DOK7: variants seen among roughly 807,000 people sequenced by gnomAD.
DOK7 encodes the protein protein Dok-7.
DOK7 carries 32 observed loss-of-function variants against 30.7 expected under a neutral mutation model. The observed-to-expected ratio is 1.04, with a 90% confidence interval of 0.79 to 1.40. DOK7 has a LOEUF of 1.40. Ranked by LOEUF, DOK7 falls within the 40% of genes most tolerant of loss-of-function variation. The pLI is 0.00. For missense variants in DOK7, 1,007 were observed against 699.2 expected, an observed-to-expected ratio of 1.44 and a Z score of -4.97; for synonymous variants, 447 against 324.1, an observed-to-expected ratio of 1.38 and a Z score of -4.07.
intron 3 of DOK7, among the ~76,000 whole-genome samples, chr4:3,473,962 C>A (rs1726923052): frequency 6.6e-6 from 1 of 152,134 alleles, no homozygotes; most frequent in Non-Finnish European, 1.5e-5. Flanking sequence ...GACAGTGGAG[C>A]CCAGAGCCTG....
chr4:3,497,307 C>A (rs1308425370), downstream of DOK7, among the ~76,000 whole-genome samples: 2 of 151,972 alleles, frequency 1.3e-5, no homozygotes, highest in East Asian at 1.9e-4. Flanking sequence ...TGTCCTCAGA[C>A]AGCGGTGGGG....
chr4:3,479,119 C>T (rs1383580305), intron 4 of DOK7, among the ~76,000 whole-genome samples: 2 of 152,234 alleles, frequency 1.3e-5, no homozygotes, highest in Admixed American at 6.5e-5. Context: ...TTGGCTTTTT[C>T]CAAAAGCTCT....
chr4:3,495,145 G>A (rs866498266), downstream of DOK7, among the ~76,000 whole-genome samples: 2 of 152,328 alleles, frequency 1.3e-5, no homozygotes, highest in South Asian at 2.1e-4. Flanking sequence ...CAAACGGGAT[G>A]ACAGACCCCG....
At chr4:3,482,390 G>C (rs1420010088) in intron 4 of DOK7, among the ~76,000 whole-genome samples, 1 of 152,222 alleles carries the variant, frequency 6.6e-6, no homozygotes, top group Non-Finnish European at 1.5e-5. Flanking sequence ...TGTTGGCTGG[G>C]TTGCCTCAGT....
At chr4:3,488,147 C>T (rs1472635262) in intron 5 of DOK7, among the ~76,000 whole-genome samples, 1 of 152,234 alleles carries the variant, frequency 6.6e-6, no homozygotes, top group African/African-American at 2.4e-5. Context: ...ATCCCTGTCC[C>T]CGGCAATGCT....
intron 4 of DOK7, among the ~76,000 whole-genome samples, chr4:3,482,007 T>C (rs1356367183): frequency 6.6e-6 from 1 of 152,036 alleles, no homozygotes; most frequent in African/African-American, 2.4e-5. Context: ...GGCCTTCTGC[T>C]TGTGTTCTGC....
In DOK7 at chr4:3,490,100, T is replaced by G. The variant is rs1272988212; in HGVS notation, c.772+304T>G. On this transcript the variant is annotated intron_variant, in intron 6 of 6. Transcript: ENST00000340083. ...TTTCTTCACCCCCTCATTCATTCCT[T>G]TCTTCACCCCCATTCATTCCTTTTC... 1.6e-4 allele frequency among the ~76,000 whole-genome samples: 11 copies of G among 69,000 alleles called. 1 individual carries two copies. Among genetic ancestry groups the G allele is most frequent in the Non-Finnish European group, 3.0e-4 (10 of 33,288 alleles). 45.3% of individuals were successfully genotyped at this position (69,000 alleles called of 152,430 possible).
chr4:3,493,398 C>T lies in DOK7; in HGVS notation c.1412C>T (p.Pro471Leu), dbSNP rs535473251. The stretch of plus-strand genomic sequence containing the variant: ...GAGGCCACACTGCCTGGCCCTGCCC[C>T]TGGCGAGCCCTGGGAAGCAGGCGGC... Reference protein sequence around the residue: ...GSEATLPGPAPGEPWEAGGPH... With the variant: ...GSEATLPGPALGEPWEAGGPH... The change falls in exon 7 of 7, where the codon CCT (proline) becomes CTT (leucine). Residue 471 changes from proline to leucine, a missense_variant. Coordinates refer to ENST00000340083, the MANE Select transcript of DOK7 (RefSeq NM_173660.5). The T allele has an allele frequency of 1.0e-5, 16 of 1,594,860 alleles. No homozygotes were observed. Among genetic ancestry groups the T allele is most frequent in the Middle Eastern group, 1.7e-4 (1 of 5,936 alleles).
At chr4:3,492,445 G>A (rs561446108) in intron 6 of DOK7, among the ~76,000 whole-genome samples, 1 of 151,764 alleles carries the variant, frequency 6.6e-6, no homozygotes, top group Non-Finnish European at 1.5e-5. Flanking sequence ...GTTAGGCAGG[G>A]AGGGTGGGGA....
At chr4:3,478,037 T>C (rs898213353) in intron 4 of DOK7, among the ~76,000 whole-genome samples, 3 of 152,120 alleles carry the variant, frequency 2.0e-5, no homozygotes, top group African/African-American at 7.2e-5. Context: ...AGGCTGTAGT[T>C]GTCCTGACAC....
At chr4:3,473,685 C>A in intron 3 of DOK7, 49 bp downstream of exon 3, 1 of 1,489,340 alleles carries the variant, frequency 6.7e-7, no homozygotes, top group South Asian at 1.3e-5. Flanking sequence ...TTCAGGTGTG[C>A]CGGGGCCCCT....
intron 6 of DOK7, among the ~76,000 whole-genome samples, chr4:3,490,374 C>CTTT (rs1560226646): frequency 1.3e-3 from 48 of 36,528 alleles, no homozygotes; most frequent in Non-Finnish European, 3.3e-4. Context: ...TTCCTTCCTT[C>CTTT]CCCCCACCCC....
intron 2 of DOK7, 98 bp downstream of exon 2, chr4:3,463,649 T>G: frequency 7.0e-7 from 1 of 1,433,398 alleles, no homozygotes; most frequent in Non-Finnish European, 9.4e-7. Context: ...TCGCCGCCGC[T>G]GTCACCCCGC....
In DOK7 at chr4:3,493,193, G is replaced by A. The variant is rs1417709745; in HGVS notation, c.1207G>A (p.Ala403Thr). The change falls in exon 7 of 7, where the codon GCC (alanine) becomes ACC (threonine). Residue 403 changes from alanine to threonine, a missense_variant. Physicochemically the swap from Ala to Thr is moderately conservative, Grantham distance 58. Transcript: ENST00000340083. ...VEYQVPTSLRAHYDTPRSLCL... is the reference protein window; with the variant it reads ...VEYQVPTSLRTHYDTPRSLCL... ...GTACCAGGTGCCCACCTCCCTGCGG[G>A]CCCACTATGACACACCACGCAGCCT... 2 of 1,611,094 alleles carry A rather than the reference G, an allele frequency of 1.2e-6. No individual in the cohort carries two copies. Among genetic ancestry groups the A allele is most frequent in the Middle Eastern group, 1.7e-4 (1 of 6,060 alleles).
In DOK7 at chr4:3,492,829, C is replaced by A. The variant is rs1728582115; in HGVS notation, c.843C>A (p.Leu281=). 6.2e-7 allele frequency: 1 copy of A among 1,612,428 alleles called. No homozygotes were observed. Among genetic ancestry groups the A allele is most frequent in the African/African-American group, 1.3e-5 (1 of 74,928 alleles). The change falls in exon 7 of 7, where the codon CTC becomes CTA. Residue 281 remains leucine (L), a synonymous_variant. Transcript: ENST00000340083. The stretch of plus-strand genomic sequence containing the variant: ...TGGACGTCAGCGCCAGCAGCCGGCT[C>A]ACCGCATGGCCAGAGCAATCCTCGT... ...SHLDVSASSR[L]TAWPEQSSSS... is the part of the protein sequence containing the mutation.
rs900722022 is a variant in DOK7 at position 3,494,262 on chromosome 4, C to T, written c.*761C>T. ...TCGCAGGGCCAAAGGCTGGCTTGGC[C>T]TGTGTTTCCCCTGGCCCAGGCCTCA... On this transcript the variant is annotated 3_prime_UTR_variant, in exon 7 of 7. Coordinates refer to ENST00000340083, the MANE Select transcript of DOK7 (RefSeq NM_173660.5). 1 of 985,400 alleles carries T rather than the reference C, an allele frequency of 1.0e-6. No homozygotes were observed. The highest frequency in any genetic ancestry group is 1.7e-5 in the African/African-American group (1 of 57,252). 61.0% of individuals were successfully genotyped at this position (985,400 alleles called of 1,614,324 possible). A position where few individuals can be genotyped will look rare whatever the true frequency, so the allele number is the denominator to read the frequency against.
At chr4:3,500,963 G>A (rs1419624551) in exon 8 of DOK7, 21 of 1,327,740 alleles carry the variant, frequency 1.6e-5, no homozygotes, top group Middle Eastern at 2.7e-4. Flanking sequence ...GCCGGTCTCC[G>A]GGCCATGGTG....
Position 3,469,876 on chromosome 4 carries a change from G to C in DOK7, c.101-3530G>C, listed in dbSNP as rs974203077. ...GTGAGGGGGTGGGCGTCAGCTGCCG[G>C]AGAAGCTTCTGCCAGGCAGGAGGGA... is the stretch of plus-strand genomic sequence containing the variant. On this transcript the variant is annotated intron_variant, in intron 2 of 6. Transcript: ENST00000340083. Among the ~76,000 whole-genome samples, 3 of 152,328 alleles carry C rather than the reference G, an allele frequency of 2.0e-5. No individual in the cohort carries two copies. The East Asian group carries it at 5.8e-4, about 29-fold the overall frequency.
At chr4:3,475,309 T>G (rs1726997761) in intron 3 of DOK7, among the ~76,000 whole-genome samples, 1 of 152,252 alleles carries the variant, frequency 6.6e-6, no homozygotes, top group South Asian at 2.1e-4. Flanking sequence ...CCAGGCAGCT[T>G]CATCTTGATA....
Sources: gnomAD v4.1 joint callset for allele counts (sites outside exome capture counted in the v4.1 genomes callset) on GRCh38, gnomAD v4.1.1 for gene constraint, MANE v1.5 for transcripts, NCBI Gene and HGNC (gene_info 2026-07-23, HGNC 2026-07-21) for gene names.